Variants in LHX9 observed in about 807,000 individuals in gnomAD.
LHX9 encodes LIM/homeobox protein Lhx9.
Under a neutral mutation model 36.5 loss-of-function variants are expected in LHX9, and 9 were observed. The ratio of observed to expected loss-of-function variants is 0.25; its 90% CI spans 0.15 to 0.43. The LOEUF (loss-of-function observed/expected upper bound fraction) is 0.43. Ranked by LOEUF, LHX9 falls within the 20% of genes least tolerant of loss-of-function variation. The probability of loss-of-function intolerance (pLI) is 1.00; values close to 1 mark genes in which losing one functional copy is unlikely to be tolerated. For synonymous variants in LHX9, 211 were observed against 212.1 expected (o/e 0.99, Z 0.04); for missense variants, 464 against 526.4 (o/e 0.88, Z 1.16).
intron 1 of LHX9, 110 bp from the exon 2 acceptor site, chr1:197,919,862 C>T: frequency 3.8e-6 from 4 of 1,051,138 alleles, no homozygotes; most frequent in Middle Eastern, 3.2e-4. Flanking sequence ...GGACCCTGGC[C>T]CCTGCCGCTC....
In LHX9 at chr1:197,933,585, T is replaced by C. The variant is rs1206901785; in HGVS notation, c.*4326T>C. ...TGTTCTGTCACCTGTGGCAATTTCA[T>C]TTAGAAGTATTTTGGAACTTCGCCT... On this transcript the variant is annotated 3_prime_UTR_variant, in exon 5 of 5. Coordinates refer to ENST00000367387, the MANE Select transcript of LHX9 (RefSeq NM_020204.3). 1 of 152,160 alleles carries C rather than the reference T, an allele frequency of 6.6e-6. No individual in the cohort carries two copies. Among genetic ancestry groups the C allele is most frequent in the Non-Finnish European group, 1.5e-5 (1 of 68,006 alleles). The allele number at this position is 152,160 out of a possible 1,614,324, so 9.4% of individuals were successfully genotyped here. A position where few individuals can be genotyped will look rare whatever the true frequency, so the allele number is the denominator to read the frequency against.
At chr1:197,912,471 C>G, upstream of LHX9, 3 of 1,597,230 alleles carry the variant, frequency 1.9e-6, no homozygotes, top group Non-Finnish European at 2.6e-6. Flanking sequence ...GGTCTGACTC[C>G]CGGCTTTTCT....
chr1:197,930,636 T>G lies in LHX9; in HGVS notation c.*1377T>G, dbSNP rs1049346394. The G allele has an allele frequency of 6.6e-6, 1 of 152,062 alleles. No homozygotes were observed. Among genetic ancestry groups the G allele is most frequent in the Non-Finnish European group, 1.5e-5 (1 of 67,900 alleles). The allele number at this position is 152,062 out of a possible 1,614,324, so 9.4% of individuals were successfully genotyped here. On this transcript the variant is annotated 3_prime_UTR_variant, in exon 5 of 5. Coordinates refer to ENST00000367387, the MANE Select transcript of LHX9 (RefSeq NM_020204.3). ...CTCCTTTGGTGGTCGAAGTGGCTATTTAATAGATTTTAAAGGTGTCCTTCT... is the reference window on the plus strand; with the variant it reads ...CTCCTTTGGTGGTCGAAGTGGCTATGTAATAGATTTTAAAGGTGTCCTTCT...
In LHX9 at chr1:197,929,125, A is replaced by C; in HGVS notation, c.1060A>C (p.Thr354Pro). The change falls in exon 5 of 5, where the codon ACT (threonine) becomes CCT (proline). Residue 354 changes from threonine to proline, a missense_variant. Thr to Pro is a conservative substitution (Grantham distance 38). Around this residue, in one of 5 missense-constraint regions of LHX9, gnomAD observed 102 missense variants for 97.0 expected, o/e 1.05. Coordinates refer to ENST00000367387, the MANE Select transcript of LHX9 (RefSeq NM_020204.3). Reference sequence around the variant, plus strand: ...GCCCTCAGCAGACAGCGGAGCTCTCACTCCACCCGGCACTGCGACCACTTT... The same window carrying C: ...GCCCTCAGCAGACAGCGGAGCTCTCCCTCCACCCGGCACTGCGACCACTTT... ...APPSADSGALTPPGTATTLTD... is the reference protein window; with the variant it reads ...APPSADSGALPPPGTATTLTD... 1 of 1,613,448 alleles carries C rather than the reference A, an allele frequency of 6.2e-7. No homozygotes were observed.
chr1:197,927,519 A>G, intron 3 of LHX9, 72 bp from the exon 4 acceptor site: 1 of 1,289,512 alleles, frequency 7.8e-7, no homozygotes, highest in Non-Finnish European at 1.1e-6. Context: ...GCAGTGTCAT[A>G]CAGCCTGCCA....
At position 197,917,393 on chromosome 1, in the gene LHX9, G is replaced by A. The variant is rs1036307792; in HGVS notation, c.-431G>A. 17 of 1,307,930 alleles carry A rather than the reference G, an allele frequency of 1.3e-5. No homozygotes were observed. The Admixed American group carries it at 3.7e-4, about 28-fold the overall frequency. The allele number at this position is 1,307,930 out of a possible 1,614,324, so 81.0% of individuals were successfully genotyped here. On this transcript the variant is annotated 5_prime_UTR_variant, in exon 1 of 5. Transcript: ENST00000367387. ...GAGCAGTCCCCAACCCAATCTACAG[G>A]CACTGGGAACTTGCAAGCAGCCAGG...
At position 197,934,130 on chromosome 1, in the gene LHX9, A is replaced by G. The variant is rs1660395433; in HGVS notation, c.*4871A>G. ...GATAAAACTCCATAATAAAGGACCC[A>G]AAGCAAATACTTTTAAAACTTAGGT... On this transcript the variant is annotated 3_prime_UTR_variant, in exon 5 of 5. Coordinates refer to ENST00000367387, the MANE Select transcript of LHX9 (RefSeq NM_020204.3). 1 of 152,228 alleles carries G rather than the reference A, an allele frequency of 6.6e-6. No homozygotes were observed. The highest frequency in any genetic ancestry group is 2.4e-5 in the African/African-American group (1 of 41,462). 9.4% of individuals were successfully genotyped at this position (152,228 alleles called of 1,614,324 possible).
chr1:197,917,663 C>T lies in LHX9; in HGVS notation c.-161C>T, dbSNP rs2102591071. On this transcript the variant is annotated 5_prime_UTR_variant, in exon 1 of 5. Transcript: ENST00000367387. ...CTTCCCAGTTCTTTTTGCTTCCCCTCGGCCCCCCAAGCAGACCGATTTCCA... is the reference window on the plus strand; with the variant it reads ...CTTCCCAGTTCTTTTTGCTTCCCCTTGGCCCCCCAAGCAGACCGATTTCCA... 6.5e-7 allele frequency: 1 copy of T among 1,535,450 alleles called. No individual in the cohort carries two copies. Among genetic ancestry groups the T allele is most frequent in the African/African-American group, 1.4e-5 (1 of 71,330 alleles).
chr1:197,916,658 T>C (rs1659765334), upstream of LHX9: 3 of 702,894 alleles, frequency 4.3e-6, no homozygotes, highest in Non-Finnish European at 7.8e-6. Flanking sequence ...AAAATTGTTT[T>C]GCCAAAAGTA....
chr1:197,933,600 G>T lies in LHX9; in HGVS notation c.*4341G>T, dbSNP rs762537778. 1.3e-5 allele frequency: 2 copies of T among 151,976 alleles called. No homozygotes were observed. The highest frequency in any genetic ancestry group is 2.9e-5 in the Non-Finnish European group (2 of 67,990). The allele number at this position is 151,976 out of a possible 1,614,324, so 9.4% of individuals were successfully genotyped here. On this transcript the variant is annotated 3_prime_UTR_variant, in exon 5 of 5. Coordinates refer to ENST00000367387, the MANE Select transcript of LHX9 (RefSeq NM_020204.3). ...GGCAATTTCATTTAGAAGTATTTTG[G>T]AACTTCGCCTGGTTTTACAGACCTT...
rs528743483 is a variant in LHX9 at position 197,930,505 on chromosome 1, G to A, written c.*1246G>A. ...GTTGTAGTTAAATACCAATTAGATTGTGGATTTCCTAAAAAAATAAAAAAG... is the reference window on the plus strand; with the variant it reads ...GTTGTAGTTAAATACCAATTAGATTATGGATTTCCTAAAAAAATAAAAAAG... On this transcript the variant is annotated 3_prime_UTR_variant, in exon 5 of 5. Transcript: ENST00000367387. 7.2e-5 allele frequency: 11 copies of A among 152,050 alleles called. No homozygotes were observed. The highest frequency in any genetic ancestry group is 2.6e-4 in the African/African-American group (11 of 41,526). 9.4% of individuals were successfully genotyped at this position (152,050 alleles called of 1,614,324 possible).
chr1:197,919,041 G>T (rs1445448131), intron 1 of LHX9, among the ~76,000 whole-genome samples: 1 of 152,200 alleles, frequency 6.6e-6, no homozygotes, highest in African/African-American at 2.4e-5. Flanking sequence ...TTTCAGGCCC[G>T]CTGAAGTTTC....
chr1:197,919,906 G>T (rs1659914522), intron 1 of LHX9, 66 bp from the exon 2 acceptor site: 1 of 1,554,528 alleles, frequency 6.4e-7, no homozygotes, highest in African/African-American at 1.3e-5. Flanking sequence ...CTGCCTGGGG[G>T]AGAACCCCGC....
chr1:197,912,850 C>T (rs1430534279), upstream of LHX9: 4 of 478,636 alleles, frequency 8.4e-6, no homozygotes, highest in South Asian at 2.5e-5. Context: ...CACTGATCCT[C>T]CAGTAGTCAG....
chr1:197,928,902 A>AAAAAG, intron 4 of LHX9, 100 bp from the exon 5 acceptor site: 3 of 1,349,452 alleles, frequency 2.2e-6, no homozygotes, highest in Non-Finnish European at 2.9e-6. Flanking sequence ...TCAAAAAAAA[A>AAAAAG]AAAGAAAGAA....
At position 197,933,399 on chromosome 1, in the gene LHX9, A is replaced by G. The variant is rs944165150; in HGVS notation, c.*4140A>G. ...AAAAGCAATGCACCATGACAAGTAG[A>G]CTATTTTGAGTGATCACAAATCATG... On this transcript the variant is annotated 3_prime_UTR_variant, in exon 5 of 5. Coordinates refer to ENST00000367387, the MANE Select transcript of LHX9 (RefSeq NM_020204.3). The G allele has an allele frequency of 6.6e-6, 1 of 152,174 alleles. No individual in the cohort carries two copies. The highest frequency in any genetic ancestry group is 1.5e-5 in the Non-Finnish European group (1 of 68,014). The allele number at this position is 152,174 out of a possible 1,614,324, so 9.4% of individuals were successfully genotyped here.
Position 197,921,636 on chromosome 1 carries a change from T to C in LHX9, c.710T>C (p.Val237Ala). ...PRKRKSPALG[V>A]DIVNYNSGCN... Reference sequence around the variant, plus strand: ...AAGCGGAAGAGCCCAGCGCTGGGAGTGGACATCGTCAATTACAACTCAGGT... The same window carrying C: ...AAGCGGAAGAGCCCAGCGCTGGGAGCGGACATCGTCAATTACAACTCAGGT... Residue 237 changes from valine (V) to alanine (A), a missense_variant, in exon 3 of 5, where the codon GTG (valine) becomes GCG (alanine). Physicochemically the swap from Val to Ala is moderately conservative, Grantham distance 64 (BLOSUM62 0). Transcript: ENST00000367387. This position sits in a 1 kb window ranked among gnomAD's most constrained non-coding sequence, Gnocchi z 4.6. 1 of 1,592,488 alleles carries C rather than the reference T, an allele frequency of 6.3e-7. No individual in the cohort carries two copies. The highest frequency in any genetic ancestry group is 8.5e-7 in the Non-Finnish European group (1 of 1,172,602).
chr1:197,935,259 A>G lies in LHX9; in HGVS notation c.*6000A>G, dbSNP rs1660423177. 6.6e-6 allele frequency: 1 copy of G among 152,194 alleles called. No homozygotes were observed. The highest frequency in any genetic ancestry group is 2.4e-5 in the African/African-American group (1 of 41,452). The allele number at this position is 152,194 out of a possible 1,614,324, so 9.4% of individuals were successfully genotyped here. A position where few individuals can be genotyped will look rare whatever the true frequency, so the allele number is the denominator to read the frequency against. ...ATTACATTTTATCTTGTGCTAAGAT[A>G]ACAAAAAGCAAGCAAGAATAAAGAT... On this transcript the variant is annotated 3_prime_UTR_variant, in exon 5 of 5. Transcript: ENST00000367387.
upstream of LHX9, chr1:197,912,653 T>TCCACCCAACGAAGGC: frequency 7.8e-7 from 1 of 1,288,282 alleles, no homozygotes; most frequent in Non-Finnish European, 1.1e-6. Flanking sequence ...GCGCCTTCGT[T>TCCACCCAACGAAGGC]GGGTGGAACG....
Sources: allele counts gnomAD v4.1 joint callset (sites outside exome capture counted in the v4.1 genomes callset), GRCh38; gene constraint gnomAD v4.1.1; regional missense constraint gnomAD v4.1.1; non-coding constraint Gnocchi (gnomAD v3.1); transcripts MANE v1.5; gene names NCBI Gene and HGNC (gene_info 2026-07-23, HGNC 2026-07-21).